The following PTPRD variants were observed in gnomAD, a reference collection of about 807,000 sequenced individuals.
The protein encoded by PTPRD is protein tyrosine phosphatase receptor type D.
PTPRD carries 34 observed loss-of-function variants against 214.5 expected under a neutral mutation model. The ratio of observed to expected loss-of-function variants is 0.16; its 90% CI spans 0.12 to 0.21. The LOEUF (loss-of-function observed/expected upper bound fraction) is 0.21, where lower values mean the gene tolerates loss of function less well. PTPRD is among the 10% of genes least tolerant of loss of function. The pLI, the probability that PTPRD is intolerant of heterozygous loss-of-function variation, is 1.00. For synonymous variants in PTPRD, 1,128 were observed against 845.7 expected (o/e 1.33, Z -5.79); for missense variants, 2,545 against 2,398.7 (o/e 1.06, Z -1.27).
At chr9:10,162,453 A>G (rs1038053033) in intron 3 of PTPRD, among the ~76,000 whole-genome samples, 2 of 150,998 alleles carry the variant, frequency 1.3e-5, no homozygotes, top group Non-Finnish European at 3.0e-5. Context: ...AGAGCAAGAC[A>G]TATATCACAT....
chr9:9,357,616 G>C (rs904549636), intron 9 of PTPRD, among the ~76,000 whole-genome samples: 2 of 150,972 alleles, frequency 1.3e-5, no homozygotes, highest in Non-Finnish European at 3.0e-5. Flanking sequence ...AAGTGAATGA[G>C]GGAAAGAAGC....
At chr9:8,793,769 G>T (rs1306879065) in intron 11 of PTPRD, among the ~76,000 whole-genome samples, 2 of 151,990 alleles carry the variant, frequency 1.3e-5, no homozygotes, top group Non-Finnish European at 2.9e-5. Flanking sequence ...GCTTTATTTG[G>T]ATATTAGAAC....
At chr9:9,839,583 T>C (rs62533726) in intron 5 of PTPRD, among the ~76,000 whole-genome samples, 2 of 152,084 alleles carry the variant, frequency 1.3e-5, no homozygotes, top group South Asian at 2.1e-4. Context: ...ACATTCCATG[T>C]TCATGGGTAG....
At chr9:8,639,956 G>C (rs1160506891) in intron 12 of PTPRD, among the ~76,000 whole-genome samples, 2 of 151,976 alleles carry the variant, frequency 1.3e-5, no homozygotes, top group African/African-American at 4.8e-5. Flanking sequence ...TTTGAGACAG[G>C]GTCTTGGTCT....
At chr9:8,339,905 G>A (rs933123177) in intron 42 of PTPRD, among the ~76,000 whole-genome samples, 3 of 151,750 alleles carry the variant, frequency 2.0e-5, no homozygotes, top group African/African-American at 7.3e-5. Context: ...GAAAAACTAT[G>A]TTGCTTTCCA....
intron 11 of PTPRD, among the ~76,000 whole-genome samples, chr9:8,827,337 T>C (rs2097196374): frequency 6.6e-6 from 1 of 152,146 alleles, no homozygotes; most frequent in Non-Finnish European, 1.5e-5. Context: ...CCAGGTGAGG[T>C]GGCTCATGCC....
intron 3 of PTPRD, among the ~76,000 whole-genome samples, chr9:10,268,293 A>AAATAATAATAATAATAATAATAAT (rs56131711): frequency 1.4e-5 from 2 of 144,850 alleles, no homozygotes; most frequent in African/African-American, 5.1e-5. Context: ...CTGTTGCTAT[A>AAATAATAATAATAATAATAATAAT]AATAATAATA....
intron 7 of PTPRD, among the ~76,000 whole-genome samples, chr9:9,590,234 A>G (rs1017999629): frequency 2.6e-5 from 4 of 151,962 alleles, no homozygotes; most frequent in African/African-American, 9.7e-5. Context: ...ACAGGGCAAT[A>G]TATCACAAGA....
intron 23 of PTPRD, among the ~76,000 whole-genome samples, chr9:8,501,675 T>TA (rs966961072): frequency 3.6e-4 from 55 of 152,060 alleles, no homozygotes; most frequent in African/African-American, 1.1e-3. Flanking sequence ...GTTTTAATAA[T>TA]AAAAAAAATG....
chr9:8,605,998 G>C (rs193173492), intron 14 of PTPRD, among the ~76,000 whole-genome samples: 1 of 151,954 alleles, frequency 6.6e-6, no homozygotes. Flanking sequence ...GATGTACATC[G>C]TATACTATAT....
At chr9:8,446,486 A>G (rs990726727) in intron 34 of PTPRD, among the ~76,000 whole-genome samples, 1 of 152,238 alleles carries the variant, frequency 6.6e-6, no homozygotes, top group South Asian at 2.1e-4. Flanking sequence ...TTTATCATTC[A>G]TAACAGACCC....
intron 7 of PTPRD, among the ~76,000 whole-genome samples, chr9:9,711,709 G>A (rs910045068): frequency 7.2e-5 from 11 of 152,160 alleles, no homozygotes; most frequent in African/African-American, 2.7e-4. Context: ...ACTACATGTA[G>A]CGGGGAGAAA....
chr9:9,691,084 CATA>C (rs2097262432), intron 7 of PTPRD, among the ~76,000 whole-genome samples: 1 of 151,830 alleles, frequency 6.6e-6, no homozygotes, highest in Admixed American at 6.6e-5. Context: ...GCATGCAATG[CATA>C]ATAATAACAT....
chr9:9,582,764 T>C lies in PTPRD; in HGVS notation c.-286-7983A>G, dbSNP rs141606682. Among the ~76,000 whole-genome samples, 46 of 152,172 alleles carry C rather than the reference T, an allele frequency of 3.0e-4. 1 individual carries two copies. Among genetic ancestry groups the C allele is most frequent in the African/African-American group, 1.1e-3 (46 of 41,572 alleles). ...ATATTCTTCTGGAGGCTCAAATTTG[T>C]CTGAATTTCTGAACCTGCTATAATG... On this transcript the variant is annotated intron_variant, in intron 7 of 45. Transcript: ENST00000381196.
intron 12 of PTPRD, among the ~76,000 whole-genome samples, chr9:8,673,419 T>G (rs1435477012): frequency 6.6e-6 from 1 of 152,188 alleles, no homozygotes; most frequent in Non-Finnish European, 1.5e-5. Flanking sequence ...TTAACACATT[T>G]TTCATGCTCT....
intron 2 of PTPRD, among the ~76,000 whole-genome samples, chr9:10,503,193 C>CAAAAAAAA (rs753847764): frequency 0.022 from 1,497 of 68,894 alleles, 149 homozygotes; most frequent in Non-Finnish European, 0.031. Flanking sequence ...AGCTGCAATA[C>CAAAAAAAA]AAAAAAAAAA....
At chr9:9,439,015 C>T (rs190381633) in intron 8 of PTPRD, among the ~76,000 whole-genome samples, 9 of 152,130 alleles carry the variant, frequency 5.9e-5, no homozygotes, top group Non-Finnish European at 1.5e-5. Context: ...AAATAAAATG[C>T]CAAGTAATAT....
At chr9:8,650,692 C>A (rs1165759828) in intron 12 of PTPRD, among the ~76,000 whole-genome samples, 1 of 152,092 alleles carries the variant, frequency 6.6e-6, no homozygotes, top group African/African-American at 2.4e-5. Context: ...CACATTTAGA[C>A]CAATACCCTG....
At chr9:9,682,613 C>A (rs928082103) in intron 7 of PTPRD, among the ~76,000 whole-genome samples, 2 of 151,652 alleles carry the variant, frequency 1.3e-5, no homozygotes, top group African/African-American at 2.4e-5. Flanking sequence ...GGGAGCTAAG[C>A]CTTGGAAGTG....
Sources: gnomAD v4.1 joint callset for allele counts (sites outside exome capture counted in the v4.1 genomes callset) on GRCh38, gnomAD v4.1.1 for gene constraint, MANE v1.5 for transcripts, NCBI Gene and HGNC (gene_info 2026-07-23, HGNC 2026-07-21) for gene names.